HDAC8: variants seen among roughly 807,000 people sequenced by gnomAD.
The protein encoded by HDAC8 is histone deacetylase-like 1.
A neutral mutation model predicts 32.2 loss-of-function variants in HDAC8; 1 was observed. The observed-to-expected ratio is 0.03, with a 90% CI of 0.01 to 0.15. HDAC8 has a LOEUF of 0.15. HDAC8 is among the 10% of genes least tolerant of loss of function. The pLI, the probability that HDAC8 is intolerant of heterozygous loss-of-function variation, is 1.00. For missense variants in HDAC8, 117 were observed against 300.0 expected (o/e 0.39, Z 4.51); for synonymous variants, 108 against 113.9 (o/e 0.95, Z 0.33).
intron 7 of HDAC8, among the ~76,000 whole-genome samples, chrX:72,475,058 A>C (rs2048293474): frequency 9.0e-6 from 1 of 111,194 alleles, no homozygotes; most frequent in Non-Finnish European, 1.9e-5. Context: ...TCCCTCTAGC[A>C]AGACCTCTGA....
intron 4 of HDAC8, among the ~76,000 whole-genome samples, chrX:72,521,915 A>G (rs781785767): frequency 1.8e-5 from 2 of 111,265 alleles, no homozygotes; most frequent in East Asian, 2.8e-4. Flanking sequence ...TTCTCATCCA[A>G]TCAGAGACAA....
chrX:72,442,862 CA>C (rs1325282578), intron 9 of HDAC8, among the ~76,000 whole-genome samples: 2 of 109,312 alleles, frequency 1.8e-5, no homozygotes, highest in African/African-American at 3.3e-5. Context: ...AAATGGAAAA[CA>C]AAAAAAGGCA....
intron 9 of HDAC8, among the ~76,000 whole-genome samples, chrX:72,417,455 C>T (rs1275405855): frequency 9.0e-6 from 1 of 111,424 alleles, no homozygotes; most frequent in Non-Finnish European, 1.9e-5. Context: ...ATCAAAAACG[C>T]AATCCTATTC....
chrX:72,386,402 TA>T (rs1240543171), intron 9 of HDAC8, among the ~76,000 whole-genome samples: 12 of 110,972 alleles, frequency 1.1e-4, no homozygotes, highest in African/African-American at 3.6e-4. Flanking sequence ...GGGAGAGGAA[TA>T]GGACTGGGAA....
At chrX:72,349,866 C>T (rs1183491764) in intron 10 of HDAC8, among the ~76,000 whole-genome samples, 1 of 111,653 alleles carries the variant, frequency 9.0e-6, no homozygotes, top group East Asian at 2.8e-4. Flanking sequence ...CGAGTAGCTG[C>T]AAGGCTTGCT....
At chrX:72,465,945 T>C (rs782799046) in intron 7 of HDAC8, among the ~76,000 whole-genome samples, 2 of 111,950 alleles carry the variant, frequency 1.8e-5, no homozygotes, top group South Asian at 7.5e-4. Context: ...CAGAAAAATA[T>C]TGAGTGATCA....
intron 7 of HDAC8, chrX:72,474,007 C>T: frequency 1.6e-6 from 1 of 626,241 alleles, no homozygotes; most frequent in Admixed American, 8.9e-5. Context: ...CTCAGTCTCT[C>T]CCAACTTTGA....
intron 10 of HDAC8, among the ~76,000 whole-genome samples, chrX:72,343,744 G>A (rs1452866496): frequency 1.8e-5 from 2 of 112,163 alleles, no homozygotes; most frequent in African/African-American, 6.5e-5. Context: ...GGGCTCAAGC[G>A]ATCCTCCTTC....
chrX:72,361,448 G>A (rs1331757598), intron 9 of HDAC8, among the ~76,000 whole-genome samples: 1 of 111,334 alleles, frequency 9.0e-6, no homozygotes, highest in Non-Finnish European at 1.9e-5. Flanking sequence ...GGTGTGCAGT[G>A]ATGCAATCAT....
chrX:72,387,296 G>T (rs1803430981), intron 9 of HDAC8, among the ~76,000 whole-genome samples: 1 of 112,001 alleles, frequency 8.9e-6, no homozygotes, highest in Non-Finnish European at 1.9e-5. Flanking sequence ...TCCTCCAGTG[G>T]CTGCTCCTCT....
chrX:72,382,621 A>C (rs1408782455), intron 9 of HDAC8, among the ~76,000 whole-genome samples: 1 of 112,493 alleles, frequency 8.9e-6, no homozygotes, highest in African/African-American at 3.2e-5. Flanking sequence ...CATTCGGTTA[A>C]ATGAAAGAAG....
chrX:72,364,831 C>A (rs2044652334), intron 9 of HDAC8, among the ~76,000 whole-genome samples: 1 of 111,543 alleles, frequency 9.0e-6, no homozygotes, highest in Non-Finnish European at 1.9e-5. Context: ...CAAAAAAAGA[C>A]CCCCGAAATA....
intron 9 of HDAC8, among the ~76,000 whole-genome samples, chrX:72,455,265 T>A (rs782547625): frequency 2.7e-5 from 3 of 112,254 alleles, no homozygotes; most frequent in Non-Finnish European, 3.8e-5. Flanking sequence ...AGTTATTGTA[T>A]TATTTACTGA....
At chrX:72,351,218 G>T in intron 10 of HDAC8, 1 of 198,614 alleles carries the variant, frequency 5.0e-6, no homozygotes, top group South Asian at 6.4e-5. Flanking sequence ...TCCTGCCTCA[G>T]CCTCTCAAGT....
intron 2 of HDAC8, among the ~76,000 whole-genome samples, chrX:72,569,921 T>C (rs1344516190): frequency 2.7e-5 from 3 of 112,237 alleles, no homozygotes; most frequent in Non-Finnish European, 5.6e-5. Context: ...TTAAACAAGA[T>C]GACACATTTT....
At chrX:72,496,392 A>G (rs1468687460) in intron 4 of HDAC8, among the ~76,000 whole-genome samples, 1 of 110,834 alleles carries the variant, frequency 9.0e-6, no homozygotes, top group Non-Finnish European at 1.9e-5. Flanking sequence ...ACTTTGCTTC[A>G]TGATGGTGAA....
At chrX:72,438,785 A>G (rs1474816801) in intron 9 of HDAC8, among the ~76,000 whole-genome samples, 3 of 111,817 alleles carry the variant, frequency 2.7e-5, no homozygotes, top group African/African-American at 9.8e-5. Flanking sequence ...AAAGGAATCA[A>G]CAAAGCCTCC....
At chrX:72,445,968 A>C (rs2047377861) in intron 9 of HDAC8, among the ~76,000 whole-genome samples, 1 of 112,538 alleles carries the variant, frequency 8.9e-6, no homozygotes. Context: ...AGAAATGCAA[A>C]TCAAAACCAC....
chrX:72,523,266 A>G (rs1046790582), intron 4 of HDAC8, among the ~76,000 whole-genome samples: 18 of 111,864 alleles, frequency 1.6e-4, no homozygotes, highest in African/African-American at 5.5e-4. Flanking sequence ...CCATGGTAAC[A>G]TTGTGTCAAT....
Sources: allele counts gnomAD v4.1 joint callset (sites outside exome capture counted in the v4.1 genomes callset), GRCh38; gene constraint gnomAD v4.1.1; transcripts MANE v1.5; gene names NCBI Gene and HGNC (gene_info 2026-07-23, HGNC 2026-07-21).